Variants in AURKA observed in about 807,000 individuals in gnomAD.
AURKA encodes the protein aurora 2.
AURKA carries 12 observed loss-of-function variants against 40.9 expected under a neutral mutation model. The observed-to-expected ratio is 0.29, with a 90% CI of 0.19 to 0.48. The LOEUF is 0.48. Ranked by LOEUF, AURKA falls within the 20% of genes least tolerant of loss-of-function variation. The probability of loss-of-function intolerance (pLI) is 0.99; values close to 1 mark genes in which losing one functional copy is unlikely to be tolerated. For missense variants in AURKA, 322 were observed against 462.1 expected (o/e 0.70, Z 2.78); for synonymous variants, 170 against 164.3 (o/e 1.03, Z -0.26).
chr20:56,387,297 C>T (rs1055919218), intron 2 of AURKA, among the ~76,000 whole-genome samples: 6 of 152,236 alleles, frequency 3.9e-5, no homozygotes, highest in East Asian at 3.9e-4. Flanking sequence ...GGACGACAGG[C>T]GCCTGCCACC....
chr20:56,386,645 A>G (rs773616194), intron 2 of AURKA, 112 bp from the exon 3 acceptor site: 22 of 1,207,624 alleles, frequency 1.8e-5, no homozygotes, highest in Non-Finnish European at 2.5e-5. Flanking sequence ...AATGTCACTG[A>G]TAAGAGATGG....
At chr20:56,378,984 A>C (rs576418661) in intron 6 of AURKA, among the ~76,000 whole-genome samples, 1 of 152,302 alleles carries the variant, frequency 6.6e-6, no homozygotes, top group South Asian at 2.1e-4. Flanking sequence ...GTATTTGTCG[A>C]AATTCATAGA....
chr20:56,375,032 G>A (rs1984741303), intron 6 of AURKA, among the ~76,000 whole-genome samples: 1 of 152,126 alleles, frequency 6.6e-6, no homozygotes, highest in African/African-American at 2.4e-5. Flanking sequence ...TGGGCAACAA[G>A]AGTAAAATTC....
intron 1 of AURKA, among the ~76,000 whole-genome samples, chr20:56,389,235 A>C (rs1003079280): frequency 6.6e-6 from 1 of 151,888 alleles, no homozygotes; most frequent in African/African-American, 2.4e-5. Context: ...CTCCATCTAC[A>C]CCTTCACCAG....
chr20:56,383,942 C>A (rs1032344870), intron 4 of AURKA, among the ~76,000 whole-genome samples: 1 of 152,196 alleles, frequency 6.6e-6, no homozygotes, highest in African/African-American at 2.4e-5. Flanking sequence ...AAAACTTGCA[C>A]TTTTGTACAA....
chr20:56,389,971 A>AC (rs1269440640), intron 1 of AURKA, among the ~76,000 whole-genome samples: 1 of 151,714 alleles, frequency 6.6e-6, no homozygotes, highest in Non-Finnish European at 1.5e-5. Flanking sequence ...CCCCACTTCC[A>AC]CCCTTACCCT....
At chr20:56,388,067 T>A (rs1986579996) in intron 2 of AURKA, 89 bp downstream of exon 2, 1 of 70,430 alleles carries the variant, frequency 1.4e-5, no homozygotes, top group Non-Finnish European at 2.2e-5. Flanking sequence ...TAAATTTAAA[T>A]CCAAAGTAAA....
chr20:56,383,782 C>T (rs1986028391), intron 4 of AURKA, among the ~76,000 whole-genome samples: 1 of 152,200 alleles, frequency 6.6e-6, no homozygotes, highest in Admixed American at 6.5e-5. Context: ...TTCTAGAGTC[C>T]AGATAGTTCA....
chr20:56,371,210 G>C (rs377671305), intron 7 of AURKA, among the ~76,000 whole-genome samples: 326 of 152,190 alleles, frequency 2.1e-3, no homozygotes, highest in African/African-American at 5.3e-3. Flanking sequence ...TGCCTGTAAT[G>C]CCAGCACTTT....
At chr20:56,379,906 T>C (rs1985458564) in intron 6 of AURKA, among the ~76,000 whole-genome samples, 1 of 147,456 alleles carries the variant, frequency 6.8e-6, no homozygotes, top group South Asian at 2.1e-4. Flanking sequence ...AAGGCTGCAG[T>C]GAGCCAAGAT....
At chr20:56,382,875 G>A in intron 5 of AURKA, 110 bp downstream of exon 5, 1 of 1,179,492 alleles carries the variant, frequency 8.5e-7, no homozygotes, top group Non-Finnish European at 1.3e-6. Flanking sequence ...TGAAGGCAGT[G>A]CCTCGTAAGA....
At chr20:56,380,702 A>G (rs1263899831) in intron 6 of AURKA, among the ~76,000 whole-genome samples, 6 of 152,236 alleles carry the variant, frequency 3.9e-5, no homozygotes, top group Admixed American at 3.3e-4. Context: ...GATCAAGCTG[A>G]CATCCACAGT....
chr20:56,370,916 C>T (rs963380584), intron 7 of AURKA, among the ~76,000 whole-genome samples: 13 of 152,206 alleles, frequency 8.5e-5, no homozygotes, highest in Non-Finnish European at 1.6e-4. Context: ...ATGTAAGAAA[C>T]TGAATGTATC....
At chr20:56,381,403 A>C in intron 6 of AURKA, 30 bp downstream of exon 6, 1 of 1,611,308 alleles carries the variant, frequency 6.2e-7, no homozygotes, top group East Asian at 2.2e-5. Context: ...AAGGAAACAC[A>C]ATTAGCCTGG....
At chr20:56,375,255 G>A (rs1269403254) in intron 6 of AURKA, among the ~76,000 whole-genome samples, 1 of 151,248 alleles carries the variant, frequency 6.6e-6, no homozygotes, top group Non-Finnish European at 1.5e-5. Flanking sequence ...CTCCTTCCGA[G>A]TAGCTGGGAC....
intron 6 of AURKA, among the ~76,000 whole-genome samples, chr20:56,381,093 C>A (rs982283757): frequency 6.6e-6 from 1 of 151,980 alleles, no homozygotes; most frequent in African/African-American, 2.4e-5. Flanking sequence ...CATAACAAGA[C>A]CCTGTCCCTT....
chr20:56,372,679 G>A (rs1020816192), intron 7 of AURKA, among the ~76,000 whole-genome samples: 1 of 151,874 alleles, frequency 6.6e-6, no homozygotes, highest in East Asian at 1.9e-4. Flanking sequence ...TGATTTTTAA[G>A]TCATTTGGCT....
chr20:56,370,470 T>A lies in AURKA; in HGVS notation c.1029+15A>T. On this transcript the variant is annotated intron_variant, in intron 8 of 8. Coordinates refer to ENST00000395915, the MANE Select transcript of AURKA (RefSeq NM_198437.3). ...TTCCAGCAGATGTGCTGGGTCCTTT[T>A]CAGTTGCGTCTTACCCGTGATATTC... 6.2e-7 allele frequency: 1 copy of A among 1,614,222 alleles called. No homozygotes were observed. Among genetic ancestry groups the A allele is most frequent in the South Asian group, 1.1e-5 (1 of 91,084 alleles).
At position 56,370,495 on chromosome 20, in the gene AURKA, C is replaced by T; in HGVS notation, c.1019G>A (p.Arg340Lys). 2 of 1,614,210 alleles carry T rather than the reference C, an allele frequency of 1.2e-6. No homozygotes were observed. The highest frequency in any genetic ancestry group is 1.7e-6 in the Non-Finnish European group (2 of 1,180,048). The part of the protein sequence containing the change: ...EANTYQETYK[R>K]ISRVEFTFPD... ...TCAGTTGCGTCTTACCCGTGATATT[C>T]TTTTGTAGGTCTCTTGGTATGTGTT... The change falls in exon 8 of 9, where the codon AGA becomes AAA. Residue 340 changes from arginine (R) to lysine (K), a missense_variant. By Grantham distance (26) the Arg-to-Lys change is conservative (BLOSUM62 2). Transcript: ENST00000395915.
Sources: gnomAD v4.1 joint callset for allele counts (sites outside exome capture counted in the v4.1 genomes callset) on GRCh38, gnomAD v4.1.1 for gene constraint, MANE v1.5 for transcripts, NCBI Gene and HGNC (gene_info 2026-07-23, HGNC 2026-07-21) for gene names.